The following MEIKIN variants were observed in gnomAD, a reference collection of about 807,000 sequenced individuals.
MEIKIN encodes the protein meiosis-specific kinetochore protein.
chr5:131,808,037 C>T (rs1429022012), intron 12 of MEIKIN, among the ~76,000 whole-genome samples: 2 of 152,182 alleles, frequency 1.3e-5, no homozygotes, highest in Non-Finnish European at 2.9e-5. Context: ...CCAGTTATGT[C>T]AGCATCACCT....
At chr5:131,861,138 C>T (rs1750278757) in intron 9 of MEIKIN, among the ~76,000 whole-genome samples, 2 of 151,888 alleles carry the variant, frequency 1.3e-5, no homozygotes, top group African/African-American at 4.8e-5. Flanking sequence ...TGCCTGTAAT[C>T]CCAGCACTTT....
At chr5:131,863,402 TCCC>T (rs1167838843) in intron 9 of MEIKIN, among the ~76,000 whole-genome samples, 9 of 152,076 alleles carry the variant, frequency 5.9e-5, no homozygotes. Context: ...TGTTGAAGTC[TCCC>T]CCATTACTAT....
At chr5:131,850,298 C>T (rs1375545048) in intron 11 of MEIKIN, among the ~76,000 whole-genome samples, 2 of 152,024 alleles carry the variant, frequency 1.3e-5, no homozygotes, top group Non-Finnish European at 2.9e-5. Context: ...CTATCAAAAC[C>T]CCAATGATGT....
At chr5:131,862,445 C>A (rs1250774759) in intron 9 of MEIKIN, among the ~76,000 whole-genome samples, 1 of 151,910 alleles carries the variant, frequency 6.6e-6, no homozygotes, top group Non-Finnish European at 1.5e-5. Flanking sequence ...TCATTTCTTT[C>A]TGCTCTGATC....
chr5:131,870,271 T>C (rs1255442892), intron 9 of MEIKIN, among the ~76,000 whole-genome samples: 1 of 152,212 alleles, frequency 6.6e-6, no homozygotes, highest in African/African-American at 2.4e-5. Flanking sequence ...AAAAAGTCTT[T>C]ATAATACTGG....
Position 131,907,458 on chromosome 5 carries a change from C to A in MEIKIN, c.703+4357G>T, listed in dbSNP as rs994913330. On this transcript the variant is annotated intron_variant, in intron 8 of 12. Coordinates refer to ENST00000442687, the MANE Select transcript of MEIKIN (RefSeq NM_001303622.2). ...GAGAGAAAACCCAATTAAATAAAAT[C>A]AGAGATGAAAAGGGAGACATTACAA... Among the ~76,000 whole-genome samples the A allele has an allele frequency of 9.3e-5, 14 of 151,082 alleles. No individual in the cohort carries two copies. In the Admixed American group the frequency reaches 9.3e-4, roughly 10 times the overall value.
chr5:131,916,812 A>C (rs189668416), intron 7 of MEIKIN, 74 bp downstream of exon 7: 2 of 393,716 alleles, frequency 5.1e-6, no homozygotes, highest in African/African-American at 2.1e-5. Context: ...GTGGACTAAC[A>C]ATCATATTTG....
intron 8 of MEIKIN, among the ~76,000 whole-genome samples, chr5:131,902,135 G>T (rs980602325): frequency 2.0e-5 from 3 of 152,274 alleles, no homozygotes; most frequent in Admixed American, 1.3e-4. Flanking sequence ...TGCCATGACT[G>T]TAAGTTTCCT....
intron 11 of MEIKIN, among the ~76,000 whole-genome samples, chr5:131,840,735 G>A (rs1749890584): frequency 6.6e-6 from 1 of 152,102 alleles, no homozygotes; most frequent in Non-Finnish European, 1.5e-5. Context: ...CTTTTTGTCT[G>A]TTAGCTCCTG....
chr5:131,826,358 TATTATA>T (rs1156233664), intron 11 of MEIKIN, among the ~76,000 whole-genome samples: 11 of 152,218 alleles, frequency 7.2e-5, no homozygotes, highest in Non-Finnish European at 1.3e-4. Flanking sequence ...TAATGCTGAT[TATTATA>T]ATTTGGGGTG....
intron 8 of MEIKIN, among the ~76,000 whole-genome samples, chr5:131,906,525 T>A (rs2221674): frequency 0.36 from 55,201 of 151,888 alleles, 12,005 homozygotes; most frequent in African/African-American, 0.62. Flanking sequence ...GTATATACCC[T>A]AAGGAATATA....
At chr5:131,845,002 G>A (rs779802384) in intron 11 of MEIKIN, among the ~76,000 whole-genome samples, 22 of 152,152 alleles carry the variant, frequency 1.4e-4, no homozygotes, top group Non-Finnish European at 2.9e-4. Flanking sequence ...TGGGTGCGGT[G>A]GCTCACGCCT....
intron 11 of MEIKIN, among the ~76,000 whole-genome samples, chr5:131,824,763 A>G (rs920447544): frequency 4.6e-5 from 7 of 152,194 alleles, no homozygotes; most frequent in Non-Finnish European, 1.5e-5. Context: ...CTAACATATA[A>G]CTACCATTCC....
chr5:131,912,622 G>A (rs1751349072), intron 7 of MEIKIN, among the ~76,000 whole-genome samples: 1 of 152,134 alleles, frequency 6.6e-6, no homozygotes, highest in Non-Finnish European at 1.5e-5. Flanking sequence ...GTTGAACTCA[G>A]TAAACAGAAA....
At chr5:131,920,184 A>G (rs1751481843) in intron 6 of MEIKIN, among the ~76,000 whole-genome samples, 1 of 152,244 alleles carries the variant, frequency 6.6e-6, no homozygotes, top group African/African-American at 2.4e-5. Context: ...AAATAAATAA[A>G]TAAATGAACG....
At chr5:131,931,920 T>C (rs550094129) in intron 5 of MEIKIN, among the ~76,000 whole-genome samples, 1 of 152,296 alleles carries the variant, frequency 6.6e-6, no homozygotes, top group Admixed American at 6.5e-5. Context: ...TATTTAGAAG[T>C]GGGTCCTAAA....
At chr5:131,865,960 G>A (rs1196735482) in intron 9 of MEIKIN, among the ~76,000 whole-genome samples, 5 of 152,202 alleles carry the variant, frequency 3.3e-5, no homozygotes, top group African/African-American at 1.2e-4. Flanking sequence ...GGTCCCCAAG[G>A]CAGCACAACC....
At chr5:131,937,303 G>C (rs779949543) in intron 4 of MEIKIN, among the ~76,000 whole-genome samples, 5 of 152,132 alleles carry the variant, frequency 3.3e-5, no homozygotes, top group Non-Finnish European at 7.3e-5. Context: ...ATATTTAAGA[G>C]ACTGATTTAA....
intron 5 of MEIKIN, among the ~76,000 whole-genome samples, chr5:131,931,702 G>A (rs1051531825): frequency 3.3e-5 from 5 of 152,084 alleles, no homozygotes; most frequent in East Asian, 1.9e-4. Flanking sequence ...GGATGCAGGC[G>A]CCTGTCGACT....
Sources: allele counts gnomAD v4.1 joint callset (sites outside exome capture counted in the v4.1 genomes callset), GRCh38; gene constraint gnomAD v4.1.1; transcripts MANE v1.5; gene names NCBI Gene and HGNC (gene_info 2026-07-23, HGNC 2026-07-21).